SLC8A1: variants seen among roughly 807,000 people sequenced by gnomAD.
The protein encoded by SLC8A1 is sodium/calcium exchanger 1.
A neutral mutation model predicts 68.3 loss-of-function variants in SLC8A1; 18 were observed. The ratio of observed to expected loss-of-function variants is 0.26; its 90% CI spans 0.18 to 0.39. The LOEUF (loss-of-function observed/expected upper bound fraction) is 0.39, where lower values mean the gene tolerates loss of function less well. SLC8A1 is among the 10% of genes least tolerant of loss of function. The probability of loss-of-function intolerance (pLI) is 1.00; values close to 1 mark genes in which losing one functional copy is unlikely to be tolerated. For missense variants in SLC8A1, 985 were observed against 1,156.7 expected, an observed-to-expected ratio of 0.85 and a Z score of 2.15; for synonymous variants, 475 against 415.5, an observed-to-expected ratio of 1.14 and a Z score of -1.74.
At chr2:40,247,882 G>C (rs1012311) in intron 2 of SLC8A1, among the ~76,000 whole-genome samples, 19,161 of 152,136 alleles carry the variant, frequency 0.13, 2,094 homozygotes, top group East Asian at 0.53. Flanking sequence ...TCAATGCTAT[G>C]TTCACTATTA....
At chr2:40,434,547 G>C (rs954732853) in intron 1 of SLC8A1, among the ~76,000 whole-genome samples, 12 of 152,184 alleles carry the variant, frequency 7.9e-5, no homozygotes, top group African/African-American at 2.9e-4. Flanking sequence ...AGAAAGATAA[G>C]AATAGAGACT....
At chr2:40,342,833 T>C (rs1248435773) in intron 2 of SLC8A1, among the ~76,000 whole-genome samples, 1 of 152,160 alleles carries the variant, frequency 6.6e-6, no homozygotes, top group African/African-American at 2.4e-5. Flanking sequence ...ACTGCAAATA[T>C]GAACAAACGT....
chr2:40,216,454 A>G (rs538399377), intron 2 of SLC8A1, among the ~76,000 whole-genome samples: 1 of 152,282 alleles, frequency 6.6e-6, no homozygotes, highest in South Asian at 2.1e-4. Flanking sequence ...ATAGTACTTC[A>G]ATAAACATAC....
intron 2 of SLC8A1, among the ~76,000 whole-genome samples, chr2:40,336,734 A>T (rs113058378): frequency 6.6e-6 from 1 of 152,142 alleles, no homozygotes. Context: ...CCGCTTTAGG[A>T]TGCCTTAATA....
At chr2:40,490,664 C>T (rs978565379) in intron 1 of SLC8A1, among the ~76,000 whole-genome samples, 3 of 152,002 alleles carry the variant, frequency 2.0e-5, no homozygotes, top group Non-Finnish European at 2.9e-5. Flanking sequence ...GGATTCACAA[C>T]TATCTATTTG....
chr2:40,195,258 C>T (rs1036949311), intron 2 of SLC8A1, among the ~76,000 whole-genome samples: 1 of 151,956 alleles, frequency 6.6e-6, no homozygotes, highest in East Asian at 1.9e-4. Flanking sequence ...ATGTGATATG[C>T]AGAAATTTGA....
At chr2:40,476,050 A>G (rs1559757052) in intron 1 of SLC8A1, among the ~76,000 whole-genome samples, 1 of 152,188 alleles carries the variant, frequency 6.6e-6, no homozygotes, top group Admixed American at 6.5e-5. Flanking sequence ...AAATAAATAA[A>G]TGATGACAAA....
chr2:40,377,823 G>GT (rs2149534827), intron 2 of SLC8A1, among the ~76,000 whole-genome samples: 1 of 152,192 alleles, frequency 6.6e-6, no homozygotes, highest in African/African-American at 2.4e-5. Context: ...GCCCTACAAA[G>GT]TTTCTGTGGC....
intron 2 of SLC8A1, among the ~76,000 whole-genome samples, chr2:40,280,643 G>T (rs2067374589): frequency 1.3e-5 from 2 of 152,134 alleles, no homozygotes; most frequent in Admixed American, 6.6e-5. Flanking sequence ...GCCTTCTGGG[G>T]TCTTACACTT....
intron 6 of SLC8A1, among the ~76,000 whole-genome samples, chr2:40,146,831 C>T (rs1300461734): frequency 3.3e-5 from 5 of 152,128 alleles, no homozygotes; most frequent in African/African-American, 1.2e-4. Flanking sequence ...CCCGCTTCTT[C>T]CAAGCCACAG....
At chr2:40,228,519 C>T (rs1331430342) in intron 2 of SLC8A1, among the ~76,000 whole-genome samples, 5 of 152,144 alleles carry the variant, frequency 3.3e-5, no homozygotes, top group African/African-American at 9.6e-5. Context: ...AGCCAAAATC[C>T]CACAGTGGAA....
intron 2 of SLC8A1, among the ~76,000 whole-genome samples, chr2:40,329,929 C>T (rs2076243152): frequency 6.6e-6 from 1 of 152,034 alleles, no homozygotes; most frequent in African/African-American, 2.4e-5. Context: ...TTATCACTTA[C>T]CCTGGGAAAG....
At chr2:40,281,876 T>C (rs910122462) in intron 2 of SLC8A1, among the ~76,000 whole-genome samples, 1 of 152,210 alleles carries the variant, frequency 6.6e-6, no homozygotes, top group Non-Finnish European at 1.5e-5. Flanking sequence ...CTGGGGCTTT[T>C]TGAAGACTCT....
intron 2 of SLC8A1, among the ~76,000 whole-genome samples, chr2:40,334,124 C>T (rs966622537): frequency 1.3e-5 from 2 of 152,168 alleles, no homozygotes; most frequent in African/African-American, 4.8e-5. Context: ...ATCAACATAT[C>T]TATAGAAACA....
At chr2:40,431,064 A>G (rs1480963435) in intron 1 of SLC8A1, among the ~76,000 whole-genome samples, 1 of 152,166 alleles carries the variant, frequency 6.6e-6, no homozygotes, top group Non-Finnish European at 1.5e-5. Context: ...TCTAATTTTC[A>G]GCCAGCCCAG....
intron 2 of SLC8A1, among the ~76,000 whole-genome samples, chr2:40,209,674 C>G (rs1468952663): frequency 6.6e-6 from 1 of 152,074 alleles, no homozygotes; most frequent in Non-Finnish European, 1.5e-5. Context: ...GATAGTAACA[C>G]TTAGGAAGAC....
chr2:40,272,145 A>G (rs1044431232), intron 2 of SLC8A1, among the ~76,000 whole-genome samples: 1 of 152,134 alleles, frequency 6.6e-6, no homozygotes, highest in Non-Finnish European at 1.5e-5. Flanking sequence ...CTGAGATTAC[A>G]ACATGAGCCA....
At chr2:40,391,477 T>C (rs4952618) in intron 2 of SLC8A1, among the ~76,000 whole-genome samples, 133,903 of 150,686 alleles carry the variant, frequency 0.89, 59,140 homozygotes, top group East Asian at 1. Flanking sequence ...AGATTACAGC[T>C]GAATTTCTCT....
intron 1 of SLC8A1, among the ~76,000 whole-genome samples, chr2:40,446,954 A>G (rs1384514845): frequency 6.6e-6 from 1 of 152,228 alleles, no homozygotes; most frequent in Non-Finnish European, 1.5e-5. Context: ...CATAAATATC[A>G]TAATTTGGTT....
Sources: allele counts gnomAD v4.1 joint callset (sites outside exome capture counted in the v4.1 genomes callset), GRCh38; gene constraint gnomAD v4.1.1; transcripts MANE v1.5; gene names NCBI Gene and HGNC (gene_info 2026-07-23, HGNC 2026-07-21).